Variants in USP4 observed in about 807,000 individuals in gnomAD.
USP4 encodes the protein ubiquitin specific peptidase 4.
A neutral mutation model predicts 118.2 loss-of-function variants in USP4; 72 were observed. The ratio of observed to expected loss-of-function variants is 0.61; its 90% CI spans 0.50 to 0.74. USP4 has a LOEUF of 0.74. USP4 is among the 30% of genes least tolerant of loss of function. The pLI is 0.00. For synonymous variants in USP4, 415 were observed against 440.4 expected (o/e 0.94, Z 0.72); for missense variants, 1,037 against 1,185.7 (o/e 0.87, Z 1.84).
chr3:49,324,591 G>A (rs1355224103), intron 6 of USP4, 111 bp downstream of exon 6: 5 of 991,352 alleles, frequency 5.0e-6, no homozygotes, highest in Non-Finnish European at 8.0e-6. Flanking sequence ...ATACAAAATA[G>A]GCATTGTTCA....
chr3:49,335,536 C>A lies in USP4; in HGVS notation c.162G>T (p.Trp54Cys), dbSNP rs752593277. 2 of 1,614,084 alleles carry A rather than the reference C, an allele frequency of 1.2e-6. No individual in the cohort carries two copies. The highest frequency in any genetic ancestry group is 2.2e-5 in the East Asian group (1 of 44,902). Reference sequence around the variant, plus strand: ...TATGTTCACCCACATTGTACATGTCCCAGCTGTCAAAGCCCACATACTTCT... The same window carrying A: ...TATGTTCACCCACATTGTACATGTCACAGCTGTCAAAGCCCACATACTTCT... ...QWKKYVGFDS[W>C]DMYNVGEHNL... is the part of the protein sequence containing the mutation. Residue 54 changes from tryptophan (W) to cysteine (C), a missense_variant, in exon 2 of 22, where the codon TGG (tryptophan) becomes TGT (cysteine). By Grantham distance (215) the Trp-to-Cys change is radical. Coordinates refer to ENST00000265560, the MANE Select transcript of USP4 (RefSeq NM_003363.4).
chr3:49,306,478 C>T (rs2047319723), intron 8 of USP4, among the ~76,000 whole-genome samples: 1 of 152,030 alleles, frequency 6.6e-6, no homozygotes, highest in African/African-American at 2.4e-5. Context: ...GCTGGGGTTA[C>T]AAGCGTGAGC....
Position 49,325,701 on chromosome 3 carries a change from C to T in USP4, c.487+18G>A, listed in dbSNP as rs766940232. On this transcript the variant is annotated intron_variant, in intron 4 of 21. Coordinates refer to ENST00000265560, the MANE Select transcript of USP4 (RefSeq NM_003363.4). ...CACTCTCTCACCACATACCAGGGAC[C>T]CCAGCCCAGCCTCTCACCAATGGTG... The T allele has an allele frequency of 5.6e-6, 9 of 1,612,142 alleles. No homozygotes were observed. The Admixed American group carries it at 1.2e-4, about 21-fold the overall frequency.
At chr3:49,330,478 C>T (rs2047605084) in intron 2 of USP4, among the ~76,000 whole-genome samples, 1 of 151,762 alleles carries the variant, frequency 6.6e-6, no homozygotes, top group Non-Finnish European at 1.5e-5. Context: ...CAGGCACCCG[C>T]CACCACACCC....
At chr3:49,299,847 A>G (rs974799997) in intron 11 of USP4, among the ~76,000 whole-genome samples, 2 of 152,162 alleles carry the variant, frequency 1.3e-5, no homozygotes, top group African/African-American at 4.8e-5. Flanking sequence ...ATGTGAGGGT[A>G]TATCTGAGTA....
rs563784887 is a variant in USP4 at position 49,283,154 on chromosome 3, C to T, written c.2540+833G>A. Among the ~76,000 whole-genome samples the T allele has an allele frequency of 7.4e-5, 11 of 148,144 alleles. No individual in the cohort carries two copies. The East Asian group carries it at 1.2e-3, about 16-fold the overall frequency. ...CCTCAGCCTCCTGAGTAGCTGGGAC[C>T]ACAGGTGTGCGCCACCACATCCAGC... On this transcript the variant is annotated intron_variant, in intron 19 of 21. Transcript: ENST00000265560.
intron 2 of USP4, 116 bp from the exon 3 acceptor site, chr3:49,327,932 T>A (rs980467012): frequency 5.9e-5 from 63 of 1,067,384 alleles, no homozygotes; most frequent in Non-Finnish European, 7.3e-5. Flanking sequence ...GAAACAGGAA[T>A]GAAATTCCAA....
Position 49,281,474 on chromosome 3 carries a change from G to GTT in USP4, c.2541-628_2541-627insAA, listed in dbSNP as rs774541071. 4.0e-3 allele frequency among the ~76,000 whole-genome samples: 334 copies of GTT among 84,370 alleles called. 1 individual carries two copies. Among genetic ancestry groups the GTT allele is most frequent in the Non-Finnish European group, 4.0e-3 (167 of 42,064 alleles). The allele number at this position is 84,370 out of a possible 152,430, so 55.3% of individuals were successfully genotyped here. A position where few individuals can be genotyped will look rare whatever the true frequency, so the allele number is the denominator to read the frequency against. ...CCGTCTCAAAAAAGAAAAAAAGTAT[G>GTT]TGTATATATATATATATACACACAC... is the stretch of plus-strand genomic sequence containing the variant. On this transcript the variant is annotated intron_variant, in intron 19 of 21. Transcript: ENST00000265560.
chr3:49,339,479 C>A (rs1349929632), intron 1 of USP4, among the ~76,000 whole-genome samples: 1 of 152,218 alleles, frequency 6.6e-6, no homozygotes, highest in Non-Finnish European at 1.5e-5. Context: ...CATCTGTTGG[C>A]AGTTTACAAG....
intron 2 of USP4, among the ~76,000 whole-genome samples, chr3:49,329,279 G>A (rs2047589185): frequency 6.6e-6 from 1 of 152,134 alleles, no homozygotes; most frequent in African/African-American, 2.4e-5. Flanking sequence ...CACTTTTGCT[G>A]TTACTTCTCC....
At chr3:49,306,761 TCAC>T (rs2047323443) in intron 8 of USP4, among the ~76,000 whole-genome samples, 1 of 152,042 alleles carries the variant, frequency 6.6e-6, no homozygotes, top group African/African-American at 2.4e-5. Context: ...TACTTCCACC[TCAC>T]CACAAGAGGA....
chr3:49,299,000 T>C (rs1208326547), intron 11 of USP4, among the ~76,000 whole-genome samples: 1 of 152,238 alleles, frequency 6.6e-6, no homozygotes, highest in Non-Finnish European at 1.5e-5. Context: ...CTCAAACTCC[T>C]GGCCTCGAGC....
intron 2 of USP4, among the ~76,000 whole-genome samples, chr3:49,330,812 C>T (rs1211723498): frequency 6.7e-6 from 1 of 149,950 alleles, no homozygotes; most frequent in Non-Finnish European, 1.5e-5. Context: ...AGATTGAGAC[C>T]ATCCTGGCCA....
chr3:49,317,708 GTT>G (rs76005205), intron 6 of USP4, among the ~76,000 whole-genome samples: 1 of 135,528 alleles, frequency 7.4e-6, no homozygotes. Flanking sequence ...TGCCCGTGGT[GTT>G]TTTTTTTTTT....
Position 49,278,010 on chromosome 3 carries a change from G to GACAT in USP4, c.*279_*282dup, listed in dbSNP as rs2107760378. 1 of 479,294 alleles carries GACAT rather than the reference G, an allele frequency of 2.1e-6. No individual in the cohort carries two copies. The highest frequency in any genetic ancestry group is 3.6e-6 in the Non-Finnish European group (1 of 275,424). The allele number at this position is 479,294 out of a possible 1,614,324, so 29.7% of individuals were successfully genotyped here. A position where few individuals can be genotyped will look rare whatever the true frequency, so the allele number is the denominator to read the frequency against. ...CCTCTCCATTCTTCGGGATCCATCA[G>GACAT]ACATACTCCATTGAGTACCCCCATC... is the stretch of plus-strand genomic sequence containing the variant. On this transcript the variant is annotated 3_prime_UTR_variant, in exon 22 of 22. Transcript: ENST00000265560.
At chr3:49,312,130 C>T (rs1450576643) in intron 6 of USP4, 2 of 207,980 alleles carry the variant, frequency 9.6e-6, no homozygotes, top group Non-Finnish European at 9.9e-6. Flanking sequence ...TTGAGACCAG[C>T]CTGACCAACA....
chr3:49,332,044 G>A (rs1403950391), intron 2 of USP4, among the ~76,000 whole-genome samples: 3 of 151,858 alleles, frequency 2.0e-5, no homozygotes, highest in Admixed American at 6.6e-5. Context: ...AGGTCAAGGC[G>A]GGTGGACCAC....
chr3:49,306,934 G>A (rs952289910), intron 8 of USP4, among the ~76,000 whole-genome samples: 3 of 151,536 alleles, frequency 2.0e-5, no homozygotes, highest in Admixed American at 1.3e-4. Flanking sequence ...ACAGGCATGC[G>A]CCACCACGCC....
chr3:49,335,497 G>C lies in USP4; in HGVS notation c.201C>G (p.Gly67=). The C allele has an allele frequency of 6.2e-7, 1 of 1,614,166 alleles. No homozygotes were observed. The highest frequency in any genetic ancestry group is 8.5e-7 in the Non-Finnish European group (1 of 1,180,036). ...YNVGEHNLFP[G]PIDNSGLFSD... Reference sequence around the variant, plus strand: ...AAAATAGCCCAGAGTTGTCTATTGGGCCAGGAAATAGGTTATGTTCACCCA... The same window carrying C: ...AAAATAGCCCAGAGTTGTCTATTGGCCCAGGAAATAGGTTATGTTCACCCA... The change falls in exon 2 of 22, where the codon GGC becomes GGG. Residue 67 remains glycine (G), a synonymous_variant. Coordinates refer to ENST00000265560, the MANE Select transcript of USP4 (RefSeq NM_003363.4).
Sources: gnomAD v4.1 joint callset for allele counts (sites outside exome capture counted in the v4.1 genomes callset) on GRCh38, gnomAD v4.1.1 for gene constraint, MANE v1.5 for transcripts, NCBI Gene and HGNC (gene_info 2026-07-23, HGNC 2026-07-21) for gene names.